PRPF31: variants seen among roughly 807,000 people sequenced by gnomAD.
The protein encoded by PRPF31 is pre-mRNA processing factor 31.
Under a neutral mutation model 60.4 loss-of-function variants are expected in PRPF31, and 12 were observed. The observed-to-expected ratio is 0.20, with a 90% confidence interval of 0.13 to 0.32. The LOEUF (loss-of-function observed/expected upper bound fraction) is 0.32, where lower values mean the gene tolerates loss of function less well. Ranked by LOEUF, PRPF31 falls within the 10% of genes least tolerant of loss-of-function variation. The pLI, the probability that PRPF31 is intolerant of heterozygous loss-of-function variation, is 1.00. For missense variants in PRPF31, 431 were observed against 687.1 expected (o/e 0.63, Z 4.17); for synonymous variants, 287 against 287.9 (o/e 1.00, Z 0.03).
chr19:54,118,466 A>G lies in PRPF31; in HGVS notation c.177+11A>G. ...TGGGATAGTAAGATGGTAAGAGGAC[A>G]AGAGGTGTTCCTAGCAGGGGGCTCT... is the stretch of plus-strand genomic sequence containing the variant. On this transcript the variant is annotated intron_variant, in intron 2 of 13. Coordinates refer to ENST00000321030, the MANE Select transcript of PRPF31 (RefSeq NM_015629.4). The G allele has an allele frequency of 6.2e-7, 1 of 1,614,138 alleles. No individual in the cohort carries two copies. Among genetic ancestry groups the G allele is most frequent in the Non-Finnish European group, 8.5e-7 (1 of 1,179,992 alleles).
intron 7 of PRPF31, chr19:54,124,282 G>A (rs1295586331): frequency 2.0e-5 from 13 of 635,520 alleles, no homozygotes; most frequent in Non-Finnish European, 3.3e-5. Flanking sequence ...CCTCCTCCCT[G>A]CACCCCCAGG....
chr19:54,128,513 G>A (rs868515999), intron 11 of PRPF31, 136 bp downstream of exon 11: 18 of 757,700 alleles, frequency 2.4e-5, no homozygotes, highest in East Asian at 5.8e-5. Context: ...CCCCCCCCCC[G>A]GCCTCTATTC....
chr19:54,122,309 C>G (rs1225946802), intron 4 of PRPF31, 188 bp from the exon 5 acceptor site: 1 of 729,662 alleles, frequency 1.4e-6, no homozygotes, highest in Non-Finnish European at 2.5e-6. Context: ...TTTTACAGAC[C>G]AGAACTAATT....
chr19:54,118,717 A>G (rs974778198), intron 3 of PRPF31, 84 bp downstream of exon 3: 2 of 1,381,974 alleles, frequency 1.4e-6, no homozygotes, highest in South Asian at 1.2e-5. Context: ...GTGGCTGGGT[A>G]TATCTCCTTC....
intron 13 of PRPF31, 118 bp from the exon 14 acceptor site, chr19:54,131,189 C>G: frequency 7.0e-7 from 1 of 1,427,592 alleles, no homozygotes; most frequent in East Asian, 2.3e-5. Flanking sequence ...GACAGGCAAA[C>G]TGTCTCATGC....
At chr19:54,120,432 G>A (rs587749510) in intron 3 of PRPF31, 8 of 152,286 alleles carry the variant, frequency 5.3e-5, no homozygotes, top group African/African-American at 1.9e-4. Context: ...CTTCCAGAAA[G>A]GGAGGGAAGG....
At chr19:54,121,752 C>A (rs1039384687) in intron 3 of PRPF31, 108 bp from the exon 4 acceptor site, 19 of 1,034,320 alleles carry the variant, frequency 1.8e-5, no homozygotes, top group Non-Finnish European at 2.5e-5. Context: ...ACTCTTCAGC[C>A]CCTCCTTCCT....
At position 54,122,499 on chromosome 19, in the gene PRPF31, A is replaced by G. The variant is rs1600337134; in HGVS notation, c.325A>G (p.Ile109Val). The change falls in exon 5 of 14, where the codon ATC (isoleucine) becomes GTC (valine). Residue 109 changes from isoleucine (I) to valine (V), a missense_variant and splice_region_variant. Around this residue, in one of 4 missense-constraint regions of PRPF31, gnomAD observed 113 missense variants for 173.8 expected, o/e 0.65. Transcript: ENST00000321030. ...ACCTCCTGTCCCGTTTACCCTAGAC[A>G]TCATCCATAAGTTCATCCGGGATAA... The part of the protein sequence containing the change: ...LTVEIENELN[I>V]IHKFIRDKYS... 2 of 1,612,836 alleles carry G rather than the reference A, an allele frequency of 1.2e-6. No homozygotes were observed. Among genetic ancestry groups the G allele is most frequent in the Non-Finnish European group, 1.7e-6 (2 of 1,178,774 alleles).
rs765772631 is a variant in PRPF31 at position 54,129,158 on chromosome 19, C to G, written c.1248C>G (p.Thr416=). 11 of 1,583,354 alleles carry G rather than the reference C, an allele frequency of 6.9e-6. No homozygotes were observed. In the East Asian group the frequency reaches 2.3e-4, roughly 33 times the overall value. The part of the protein sequence containing the change: ...RVRQTQVNEA[T]KARISKTLQR... The stretch of plus-strand genomic sequence containing the variant: ...GGCAGACACAGGTAAACGAGGCCAC[C>G]AAGGCCAGGATCTCCAAGACGCTGC... The change falls in exon 12 of 14, where the codon ACC becomes ACG. Residue 416 remains threonine (T), a synonymous_variant. Coordinates refer to ENST00000321030, the MANE Select transcript of PRPF31 (RefSeq NM_015629.4).
intron 11 of PRPF31, among the ~76,000 whole-genome samples, chr19:54,128,791 C>T (rs1306692070): frequency 6.6e-6 from 1 of 152,200 alleles, no homozygotes; most frequent in Non-Finnish European, 1.5e-5. Flanking sequence ...TCCTGACATC[C>T]CCCGACCCAC....
intron 1 of PRPF31, among the ~76,000 whole-genome samples, chr19:54,117,944 G>C (rs1371169004): frequency 6.6e-6 from 1 of 152,082 alleles, no homozygotes; most frequent in African/African-American, 2.4e-5. Flanking sequence ...TGGGAAAGGA[G>C]GGAAACAAAG....
At chr19:54,116,103 A>G (rs1184520390) in intron 1 of PRPF31, among the ~76,000 whole-genome samples, 1 of 150,574 alleles carries the variant, frequency 6.6e-6, no homozygotes, top group Non-Finnish European at 1.5e-5. Context: ...GGGTTTCCCC[A>G]TGTTGGTCAG....
chr19:54,121,347 C>T (rs2073783503), intron 3 of PRPF31, among the ~76,000 whole-genome samples: 2 of 141,442 alleles, frequency 1.4e-5, no homozygotes, highest in Admixed American at 7.0e-5. Context: ...GTCTGGGGCA[C>T]TGTGATCACT....
intron 8 of PRPF31, among the ~76,000 whole-genome samples, chr19:54,125,985 C>T (rs191831839): frequency 1.0e-3 from 156 of 152,332 alleles, no homozygotes; most frequent in African/African-American, 3.5e-3. Flanking sequence ...AGGCACAGGC[C>T]GTAGACACCA....
chr19:54,127,650 T>A (rs2073951871), intron 9 of PRPF31, among the ~76,000 whole-genome samples: 1 of 152,230 alleles, frequency 6.6e-6, no homozygotes, highest in East Asian at 1.9e-4. Flanking sequence ...AGTTACCTTC[T>A]GTCTTCCTTG....
chr19:54,130,557 G>A (rs1410264947), intron 13 of PRPF31, among the ~76,000 whole-genome samples: 12 of 152,010 alleles, frequency 7.9e-5, no homozygotes, highest in East Asian at 3.9e-4. Flanking sequence ...CCCGGGAGGC[G>A]GAGCTTGCAG....
chr19:54,128,262 C>G lies in PRPF31; in HGVS notation c.1074-43C>G, dbSNP rs2073967530. 4.5e-6 allele frequency: 7 copies of G among 1,555,464 alleles called. No individual in the cohort carries two copies. The East Asian group carries it at 1.4e-4, about 31-fold the overall frequency. ...ATGGAGGGGAGAAGCCGGCGTCCTC[C>G]TCCCAGCCGACTCCCTGGCGCCGCC... On this transcript the variant is annotated intron_variant, in intron 10 of 13. Coordinates refer to ENST00000321030, the MANE Select transcript of PRPF31 (RefSeq NM_015629.4).
At chr19:54,127,747 C>T (rs894766439) in intron 9 of PRPF31, among the ~76,000 whole-genome samples, 1 of 152,208 alleles carries the variant, frequency 6.6e-6, no homozygotes, top group Non-Finnish European at 1.5e-5. Context: ...TCAGGTGTTC[C>T]GTGTCCCCTT....
chr19:54,129,649 G>A (rs1266249104), intron 13 of PRPF31, among the ~76,000 whole-genome samples: 7 of 132,324 alleles, frequency 5.3e-5, no homozygotes, highest in African/African-American at 1.7e-4. Flanking sequence ...GGCTGTGAGC[G>A]GGTAACACTG....
Sources: gnomAD v4.1 joint callset for allele counts (sites outside exome capture counted in the v4.1 genomes callset) on GRCh38, gnomAD v4.1.1 for gene constraint, gnomAD v4.1.1 regional missense constraint, MANE v1.5 for transcripts, NCBI Gene and HGNC (gene_info 2026-07-23, HGNC 2026-07-21) for gene names.